Variants in ATRX observed in about 807,000 individuals in gnomAD.
ATRX encodes chromatin remodeler ATRX.
In ATRX, 12 loss-of-function variants were observed where a neutral mutation model predicts 172.6. That is an observed-to-expected ratio of 0.07 (90% CI 0.04 to 0.11). The LOEUF is 0.11. Among genes scored for constraint, ATRX ranks in the 10% least tolerant of loss-of-function variants. The pLI is 1.00. For missense variants in ATRX, 1,368 were observed against 1,767.4 expected (o/e 0.77, Z 4.05); for synonymous variants, 674 against 594.7 (o/e 1.13, Z -1.94).
intron 15 of ATRX, among the ~76,000 whole-genome samples, chrX:77,647,138 C>T (rs577699049): frequency 1.8e-5 from 2 of 111,096 alleles, no homozygotes; most frequent in African/African-American, 6.5e-5. Context: ...CTGGAAAGAA[C>T]ACAAATATGT....
At chrX:77,693,961 C>A (rs2148670024) in intron 5 of ATRX, 24 bp from the exon 6 acceptor site, 1 of 1,078,952 alleles carries the variant, frequency 9.3e-7, no homozygotes, top group Non-Finnish European at 1.3e-6. Flanking sequence ...ATTTAAAAAA[C>A]CATTACACAT....
At chrX:77,726,143 C>A (rs1214827874) in intron 1 of ATRX, among the ~76,000 whole-genome samples, 5 of 111,413 alleles carry the variant, frequency 4.5e-5, no homozygotes, top group Admixed American at 9.6e-5. Context: ...AAAGGATTAT[C>A]AATCATGCTG....
At chrX:77,746,079 T>A (rs1557184744) in intron 1 of ATRX, among the ~76,000 whole-genome samples, 1 of 111,367 alleles carries the variant, frequency 9.0e-6, no homozygotes, top group Non-Finnish European at 1.9e-5. Context: ...CTCATTCACA[T>A]GTGGATGCTG....
At chrX:77,704,937 T>C (rs1481139433) in intron 2 of ATRX, among the ~76,000 whole-genome samples, 1 of 111,602 alleles carries the variant, frequency 9.0e-6, no homozygotes, top group Non-Finnish European at 1.9e-5. Flanking sequence ...GGGGCAGGGC[T>C]CCTGCCTGCC....
chrX:77,508,685 T>C (rs1557035018), intron 34 of ATRX, 56 bp from the exon 35 acceptor site: 1 of 1,175,062 alleles, frequency 8.5e-7, no homozygotes, highest in Non-Finnish European at 1.2e-6. Context: ...AAAAGAGGTA[T>C]CAAGTTTTGA....
At chrX:77,623,659 T>C (rs2067691337) in intron 19 of ATRX, among the ~76,000 whole-genome samples, 1 of 111,736 alleles carries the variant, frequency 8.9e-6, no homozygotes, top group Admixed American at 9.5e-5. Context: ...TTAACAAAAA[T>C]ATTAGCTAGC....
intron 10 of ATRX, among the ~76,000 whole-genome samples, chrX:77,671,144 T>C: frequency 7.7e-5 from 1 of 13,068 alleles, no homozygotes; most frequent in Non-Finnish European, 1.3e-4. Flanking sequence ...TGAGACTCTG[T>C]CTCAAAAAAA....
At chrX:77,716,812 C>T (rs1489141739) in intron 2 of ATRX, among the ~76,000 whole-genome samples, 1 of 111,934 alleles carries the variant, frequency 8.9e-6, no homozygotes, top group African/African-American at 3.2e-5. Flanking sequence ...CTATACTACT[C>T]CTGCCTCTTC....
At chrX:77,615,421 T>A (rs2067315908) in intron 22 of ATRX, among the ~76,000 whole-genome samples, 1 of 111,981 alleles carries the variant, frequency 8.9e-6, no homozygotes, top group Admixed American at 9.5e-5. Flanking sequence ...TTACTCCTTA[T>A]TACTCAGAGA....
At chrX:77,633,928 T>C in intron 17 of ATRX, 2 of 406,310 alleles carry the variant, frequency 4.9e-6, no homozygotes, top group South Asian at 7.2e-5. Context: ...GATTCTATGA[T>C]CAATGTGAAT....
intron 2 of ATRX, among the ~76,000 whole-genome samples, chrX:77,716,050 A>C (rs2073359101): frequency 9.7e-6 from 1 of 103,417 alleles, no homozygotes; most frequent in Non-Finnish European, 2.0e-5. Context: ...CAGGAGAATC[A>C]TTTGAGGCCA....
intron 1 of ATRX, among the ~76,000 whole-genome samples, chrX:77,735,401 T>C (rs1463963480): frequency 9.0e-6 from 1 of 111,122 alleles, no homozygotes; most frequent in Non-Finnish European, 1.9e-5. Flanking sequence ...TCGAGACCAT[T>C]CTGGCTACGG....
At chrX:77,621,531 C>G (rs2067582468) in intron 19 of ATRX, among the ~76,000 whole-genome samples, 1 of 111,861 alleles carries the variant, frequency 8.9e-6, no homozygotes, top group African/African-American at 3.3e-5. Flanking sequence ...AGGCTGGTCT[C>G]AAACTCCTGA....
At chrX:77,676,100 G>A (rs1829799231) in intron 10 of ATRX, 126 bp downstream of exon 10, 8 of 582,890 alleles carry the variant, frequency 1.4e-5, no homozygotes, top group Non-Finnish European at 2.2e-5. Flanking sequence ...GGAAGACTGT[G>A]AGCGAGTCTT....
intron 17 of ATRX, chrX:77,633,993 T>C (rs946295619): frequency 6.4e-5 from 17 of 266,276 alleles, no homozygotes; most frequent in Non-Finnish European, 8.5e-5. Flanking sequence ...AGAATGTCCC[T>C]ATAGTCTTTC....
intron 32 of ATRX, 40 bp downstream of exon 32, chrX:77,522,223 T>C (rs2063254237): frequency 8.3e-7 from 1 of 1,208,214 alleles, no homozygotes; most frequent in Non-Finnish European, 1.1e-6. Context: ...TGAAATTGCC[T>C]TTAATTCATG....
intron 19 of ATRX, among the ~76,000 whole-genome samples, chrX:77,623,136 G>C (rs2067670157): frequency 9.0e-6 from 1 of 111,288 alleles, no homozygotes. Context: ...TCCTTGAAAA[G>C]ATAAAATAAA....
chrX:77,513,547 C>T (rs2062951484), intron 34 of ATRX, among the ~76,000 whole-genome samples: 1 of 110,025 alleles, frequency 9.1e-6, no homozygotes, highest in Non-Finnish European at 1.9e-5. Context: ...CATTCCTGGC[C>T]CACAAGAACT....
At chrX:77,569,032 T>G (rs2065308053) in intron 28 of ATRX, among the ~76,000 whole-genome samples, 1 of 111,243 alleles carries the variant, frequency 9.0e-6, no homozygotes, top group African/African-American at 3.3e-5. Flanking sequence ...GAGGATCCCT[T>G]GAGCCTAGGA....
Sources: gnomAD v4.1 joint callset for allele counts (sites outside exome capture counted in the v4.1 genomes callset) on GRCh38, gnomAD v4.1.1 for gene constraint, MANE v1.5 for transcripts, NCBI Gene and HGNC (gene_info 2026-07-23, HGNC 2026-07-21) for gene names.